The following SOX5 variants were observed in gnomAD, a reference collection of about 807,000 sequenced individuals.
SOX5 encodes the protein SRY-box transcription factor 5.
SOX5 carries 9 observed loss-of-function variants against 92.0 expected under a neutral mutation model. The observed-to-expected ratio is 0.10, with a 90% confidence interval of 0.06 to 0.17. SOX5 has a LOEUF of 0.17. Ranked by LOEUF, SOX5 falls within the 10% of genes least tolerant of loss-of-function variation. SOX5 has a pLI of 1.00. For missense variants in SOX5, 642 were observed against 944.5 expected, an observed-to-expected ratio of 0.68 and a Z score of 4.20; for synonymous variants, 344 against 336.3, an observed-to-expected ratio of 1.02 and a Z score of -0.25.
In SOX5 at chr12:24,074,065, G is replaced by A. The variant is rs182033931; in HGVS notation, c.-2+139278C>T. ...CATCCCTCAAAAAAAAAAGCTCAGTGTACACAAGATGTAGAACAAGTTCAG... is the reference window on the plus strand; with the variant it reads ...CATCCCTCAAAAAAAAAAGCTCAGTATACACAAGATGTAGAACAAGTTCAG... On this transcript the variant is annotated intron_variant, in intron 4 of 4. Transcript: ENST00000446891. Among the ~76,000 whole-genome samples, 39 of 152,048 alleles carry A rather than the reference G, an allele frequency of 2.6e-4. No individual in the cohort carries two copies. In the East Asian group the frequency reaches 7.3e-3, roughly 29 times the overall value.
chr12:23,573,394 C>T (rs1280964346), intron 10 of SOX5, among the ~76,000 whole-genome samples: 1 of 152,166 alleles, frequency 6.6e-6, no homozygotes, highest in Non-Finnish European at 1.5e-5. Flanking sequence ...AACTCCAAAT[C>T]CTAAGGCTCT....
intron 1 of SOX5, among the ~76,000 whole-genome samples, chr12:24,460,209 C>A (rs1943470150): frequency 6.6e-6 from 1 of 152,116 alleles, no homozygotes; most frequent in Non-Finnish European, 1.5e-5. Flanking sequence ...GCAGTCAAAT[C>A]AAATTAAATG....
Position 24,166,095 on chromosome 12 carries a change from G to A in SOX5, c.-2+47248C>T, listed in dbSNP as rs1026544886. On this transcript the variant is annotated intron_variant, in intron 4 of 4. Coordinates refer to the SOX5 transcript ENST00000446891. ...AGGAGGAGCTGGGCTGGAAAGAAAC[G>A]TAGAAAGGAGAAGGGAAAGAATACG... is the stretch of plus-strand genomic sequence containing the variant. Among the ~76,000 whole-genome samples the A allele has an allele frequency of 3.3e-5, 5 of 152,216 alleles. No homozygotes were observed. The South Asian group carries it at 8.3e-4, about 25-fold the overall frequency.
chr12:24,465,892 G>A (rs1207867157), intron 1 of SOX5, among the ~76,000 whole-genome samples: 1 of 152,070 alleles, frequency 6.6e-6, no homozygotes, highest in East Asian at 1.9e-4. Context: ...CAGACACGAG[G>A]GCTGTCACAG....
chr12:24,167,240 T>C (rs1483083859), intron 4 of SOX5, among the ~76,000 whole-genome samples: 2 of 152,174 alleles, frequency 1.3e-5, no homozygotes, highest in Non-Finnish European at 2.9e-5. Context: ...TGAAATAAAT[T>C]TGGGATGTGA....
At chr12:24,392,818 G>A (rs189403923) in intron 1 of SOX5, among the ~76,000 whole-genome samples, 217 of 152,126 alleles carry the variant, frequency 1.4e-3, no homozygotes, top group African/African-American at 4.8e-3. Flanking sequence ...TACCCCAAAG[G>A]AACACATCTA....
At chr12:23,589,662 A>T (rs1951245691) in intron 9 of SOX5, among the ~76,000 whole-genome samples, 1 of 152,002 alleles carries the variant, frequency 6.6e-6, no homozygotes, top group African/African-American at 2.4e-5. Flanking sequence ...TCCTAAATTC[A>T]GTATATTTCA....
intron 8 of SOX5, among the ~76,000 whole-genome samples, chr12:23,622,105 C>T (rs1421469371): frequency 6.6e-6 from 1 of 152,020 alleles, no homozygotes; most frequent in Non-Finnish European, 1.5e-5. Flanking sequence ...TTTATTATCT[C>T]CCAATGCCCT....
intron 4 of SOX5, among the ~76,000 whole-genome samples, chr12:23,968,342 C>T (rs1947826418): frequency 1.3e-5 from 2 of 152,162 alleles, no homozygotes; most frequent in Admixed American, 1.3e-4. Context: ...ACTACTTGAC[C>T]TTGGCTAAGC....
At chr12:24,305,749 C>T (rs928266645) in intron 2 of SOX5, among the ~76,000 whole-genome samples, 4 of 152,218 alleles carry the variant, frequency 2.6e-5, no homozygotes, top group East Asian at 1.9e-4. Flanking sequence ...AGGCACCCGC[C>T]GCCACGCCTG....
rs114897277 is a variant in SOX5, at chr12:24,211,062, C to T, written c.-2+2281G>A. On this transcript the variant is annotated intron_variant, in intron 4 of 4. Coordinates refer to the SOX5 transcript ENST00000446891. ...GAACACCACTCACCCTCCATAGCGTCATCTCTCACTTGTCTGCTCCTGTCT... is the reference window on the plus strand; with the variant it reads ...GAACACCACTCACCCTCCATAGCGTTATCTCTCACTTGTCTGCTCCTGTCT... Among the ~76,000 whole-genome samples the T allele has an allele frequency of 4.6e-3, 706 of 152,292 alleles. 4 individuals carry two copies. The highest frequency in any genetic ancestry group is 0.017 in the African/African-American group (689 of 41,550).
intron 4 of SOX5, among the ~76,000 whole-genome samples, chr12:23,959,477 C>T (rs1201236749): frequency 6.6e-6 from 1 of 151,860 alleles, no homozygotes; most frequent in Non-Finnish European, 1.5e-5. Context: ...CATGAGTGAA[C>T]TGAAATATAA....
intron 2 of SOX5, among the ~76,000 whole-genome samples, chr12:23,892,699 A>G (rs1398826344): frequency 6.6e-6 from 1 of 152,204 alleles, no homozygotes; most frequent in African/African-American, 2.4e-5. Flanking sequence ...AAATTTAGAA[A>G]CTAATTAAAA....
chr12:24,040,820 C>A (rs1217999946), intron 4 of SOX5, among the ~76,000 whole-genome samples: 1 of 152,086 alleles, frequency 6.6e-6, no homozygotes, highest in Non-Finnish European at 1.5e-5. Flanking sequence ...GTGCAGTGAG[C>A]CGAGATTGCA....
At chr12:23,858,163 C>G (rs1281996154) in intron 2 of SOX5, among the ~76,000 whole-genome samples, 5 of 151,264 alleles carry the variant, frequency 3.3e-5, no homozygotes, top group African/African-American at 1.2e-4. Flanking sequence ...ATGTTACTTT[C>G]CTATGAGAAG....
At chr12:23,651,557 T>C (rs1297614671) in intron 7 of SOX5, among the ~76,000 whole-genome samples, 1 of 152,010 alleles carries the variant, frequency 6.6e-6, no homozygotes, top group East Asian at 1.9e-4. Flanking sequence ...CTTTCAGTTA[T>C]GAAAATAAGA....
At chr12:23,865,458 G>A (rs1490364148) in intron 2 of SOX5, among the ~76,000 whole-genome samples, 4 of 152,094 alleles carry the variant, frequency 2.6e-5, no homozygotes, top group Non-Finnish European at 4.4e-5. Flanking sequence ...GGCAGATCAC[G>A]AGGTCCAGAG....
At chr12:23,798,308 G>A (rs900629455) in intron 3 of SOX5, among the ~76,000 whole-genome samples, 5 of 151,468 alleles carry the variant, frequency 3.3e-5, no homozygotes, top group Non-Finnish European at 7.4e-5. Context: ...AATAATTTGT[G>A]CTGCCTGAAA....
Position 23,940,733 on chromosome 12 carries a change from G to A in SOX5, c.38+8831C>T, listed in dbSNP as rs1224427748. ...AAGAGGAAATTATTTTATTTACAGA[G>A]GAGATAAGTATTACACACACACACA... On this transcript the variant is annotated intron_variant, in intron 1 of 14. Transcript: ENST00000451604. Among the ~76,000 whole-genome samples the A allele has an allele frequency of 2.2e-5, 3 of 137,418 alleles. No homozygotes were observed. In the Admixed American group the frequency reaches 2.3e-4, roughly 10 times the overall value. 90.2% of individuals were successfully genotyped at this position (137,418 alleles called of 152,430 possible).
Sources: gnomAD v4.1 joint callset for allele counts (sites outside exome capture counted in the v4.1 genomes callset) on GRCh38, gnomAD v4.1.1 for gene constraint, MANE v1.5 for transcripts, NCBI Gene and HGNC (gene_info 2026-07-23, HGNC 2026-07-21) for gene names.